The following AIFM1 variants were observed in gnomAD, a reference collection of about 807,000 sequenced individuals.
AIFM1 encodes the protein apoptosis-inducing factor 1, mitochondrial.
Under a neutral mutation model 51.7 loss-of-function variants are expected in AIFM1, and 3 were observed. The ratio of observed to expected loss-of-function variants is 0.06; its 90% CI spans 0.03 to 0.15. The LOEUF (loss-of-function observed/expected upper bound fraction) is 0.15, where lower values mean the gene tolerates loss of function less well. Ranked by LOEUF, AIFM1 falls within the 10% of genes least tolerant of loss-of-function variation. AIFM1 has a pLI of 1.00. For synonymous variants in AIFM1, 178 were observed against 179.4 expected (o/e 0.99, Z 0.06); for missense variants, 330 against 476.8 (o/e 0.69, Z 2.87).
chrX:130,146,685 T>A (rs1603227031), intron 5 of AIFM1, among the ~76,000 whole-genome samples: 1 of 110,678 alleles, frequency 9.0e-6, no homozygotes, highest in African/African-American at 3.3e-5. Flanking sequence ...AAGTTGTCCA[T>A]CAAAAGGAAA....
intron 8 of AIFM1, 114 bp from the exon 9 acceptor site, chrX:130,138,815 A>C (rs780696618): frequency 3.6e-5 from 19 of 532,214 alleles, no homozygotes; most frequent in Non-Finnish European, 6.2e-5. Context: ...CCTTGTATAA[A>C]GTGACTCAAT....
chrX:130,156,634 A>G lies in AIFM1; in HGVS notation c.107-31T>C, dbSNP rs373565636. The G allele has an allele frequency of 5.9e-6, 7 of 1,195,004 alleles. No individual in the cohort carries two copies. The African/African-American group carries it at 1.2e-4, about 21-fold the overall frequency. On this transcript the variant is annotated intron_variant, in intron 1 of 15. Coordinates refer to ENST00000287295, the MANE Select transcript of AIFM1 (RefSeq NM_004208.4). ...AAACATAATTTATTAAGACACACAC[A>G]TACAAAAATAAAATAGTTAATACAT...
At chrX:130,158,099 C>G (rs2031229641) in intron 1 of AIFM1, among the ~76,000 whole-genome samples, 1 of 108,513 alleles carries the variant, frequency 9.2e-6, no homozygotes, top group African/African-American at 3.4e-5. Context: ...CCTGTTTCTA[C>G]TAAAAATACA....
At chrX:130,161,530 A>C (rs757687257) in intron 1 of AIFM1, among the ~76,000 whole-genome samples, 291 of 108,577 alleles carry the variant, frequency 2.7e-3, no homozygotes, top group Non-Finnish European at 4.3e-3. Context: ...AAAAAAAAAA[A>C]AACACAGGAC....
intron 8 of AIFM1, among the ~76,000 whole-genome samples, chrX:130,139,273 A>G (rs209999): frequency 0.48 from 51,312 of 107,617 alleles, 9,675 homozygotes; most frequent in African/African-American, 0.65. Context: ...CGGAGGTTGC[A>G]GTGAGCCAAG....
Position 130,135,982 on chromosome X carries a change from G to A in AIFM1, c.1305+63C>T, listed in dbSNP as rs1275489865. 82 of 1,193,299 alleles carry A rather than the reference G, an allele frequency of 6.9e-5. No individual in the cohort carries two copies. In the East Asian group the frequency reaches 1.4e-3, roughly 21 times the overall value. ...TGTTGATGAGCTTTAGCACACCACC[G>A]GGCAGACTTGTTCACAGGCTAGGGA... On this transcript the variant is annotated intron_variant, in intron 12 of 15. Transcript: ENST00000287295.
chrX:130,147,019 G>A (rs1232639930), intron 5 of AIFM1, among the ~76,000 whole-genome samples: 2 of 111,179 alleles, frequency 1.8e-5, no homozygotes, highest in Non-Finnish European at 1.9e-5. Flanking sequence ...AAAATTAGCC[G>A]GGTGTGGTGG....
chrX:130,134,094 G>A (rs748165532), intron 12 of AIFM1, among the ~76,000 whole-genome samples: 9 of 110,419 alleles, frequency 8.2e-5, no homozygotes, highest in African/African-American at 2.0e-4. Context: ...AAAATTAGGC[G>A]TGTGTGGTGG....
At chrX:130,141,090 T>G (rs1316653060) in intron 6 of AIFM1, among the ~76,000 whole-genome samples, 2 of 112,204 alleles carry the variant, frequency 1.8e-5, no homozygotes, top group African/African-American at 6.5e-5. Flanking sequence ...CACTCCAGCC[T>G]GGGCAACAGA....
At chrX:130,155,355 T>C in intron 2 of AIFM1, 3 of 1,153,028 alleles carry the variant, frequency 2.6e-6, no homozygotes, top group Non-Finnish European at 3.5e-6. Context: ...TGAAGAAACA[T>C]TCAATACAAA....
rs1212309761 is a variant in AIFM1, at chrX:130,140,636, T to C, written c.697-19A>G. 8.8e-7 allele frequency: 1 copy of C among 1,133,513 alleles called. No homozygotes were observed. The highest frequency in any genetic ancestry group is 1.8e-5 in the African/African-American group (1 of 56,034). The allele number at this position is 1,133,513 out of a possible 1,213,427, so 93.4% of individuals were successfully genotyped here. A position where few individuals can be genotyped will look rare whatever the true frequency, so the allele number is the denominator to read the frequency against. On this transcript the variant is annotated intron_variant, in intron 6 of 15. Coordinates refer to ENST00000287295, the MANE Select transcript of AIFM1 (RefSeq NM_004208.4). ...GTACTACCTGGTACAGTCACACACA[T>C]ACACAAAAGAGGTAGAGATGAATTA...
intron 7 of AIFM1, among the ~76,000 whole-genome samples, chrX:130,140,323 C>G (rs2030530224): frequency 8.9e-6 from 1 of 112,376 alleles, no homozygotes; most frequent in African/African-American, 3.2e-5. Context: ...CTTCTTCATG[C>G]CTCTACCGGG....
At chrX:130,135,248 G>A (rs1382174764) in intron 12 of AIFM1, among the ~76,000 whole-genome samples, 2 of 108,385 alleles carry the variant, frequency 1.8e-5, no homozygotes, top group African/African-American at 3.4e-5. Flanking sequence ...CACCACACCC[G>A]GCTAATTTTT....
intron 5 of AIFM1, among the ~76,000 whole-genome samples, chrX:130,146,957 C>T (rs1054349586): frequency 9.8e-5 from 11 of 111,813 alleles, no homozygotes; most frequent in African/African-American, 3.6e-4. Flanking sequence ...GTCAGGAGAT[C>T]GAGACCATCT....
intron 12 of AIFM1, among the ~76,000 whole-genome samples, chrX:130,134,053 T>C (rs1251561733): frequency 4.5e-5 from 5 of 110,349 alleles, no homozygotes; most frequent in Non-Finnish European, 9.5e-5. Context: ...CTGGCCAATA[T>C]GGTGAAACCC....
intron 1 of AIFM1, among the ~76,000 whole-genome samples, chrX:130,164,078 G>A (rs6637698): frequency 1.6e-4 from 17 of 106,301 alleles, no homozygotes; most frequent in Non-Finnish European, 3.1e-4. Context: ...TGAGGCAGAA[G>A]AATGGCGTGA....
At chrX:130,150,617 G>A (rs1180405057) in intron 2 of AIFM1, among the ~76,000 whole-genome samples, 1 of 105,913 alleles carries the variant, frequency 9.4e-6, no homozygotes, top group Non-Finnish European at 1.9e-5. Flanking sequence ...TTACAGGCGT[G>A]AGCCACCGCG....
chrX:130,165,053 G>C (rs1314531482), intron 1 of AIFM1, among the ~76,000 whole-genome samples: 1 of 109,239 alleles, frequency 9.2e-6, no homozygotes, highest in African/African-American at 3.3e-5. Flanking sequence ...ACAACCAACC[G>C]ACTCCTTACT....
At chrX:130,131,486 G>A (rs1465453042) in intron 14 of AIFM1, among the ~76,000 whole-genome samples, 189 bp downstream of exon 14, 1 of 112,101 alleles carries the variant, frequency 8.9e-6, no homozygotes, top group East Asian at 2.8e-4. Context: ...CTTTGACCAG[G>A]ATACCTGATT....
Sources: allele counts gnomAD v4.1 joint callset (sites outside exome capture counted in the v4.1 genomes callset), GRCh38; gene constraint gnomAD v4.1.1; transcripts MANE v1.5; gene names NCBI Gene and HGNC (gene_info 2026-07-23, HGNC 2026-07-21).